The following ITPR2 variants were observed in gnomAD, a reference collection of about 807,000 sequenced individuals.
ITPR2 encodes the protein inositol 1,4,5-trisphosphate receptor type 2.
Under a neutral mutation model 317.1 loss-of-function variants are expected in ITPR2, and 207 were observed. The ratio of observed to expected loss-of-function variants is 0.65; its 90% confidence interval spans 0.58 to 0.73. The LOEUF (loss-of-function observed/expected upper bound fraction) is 0.73. Ranked by LOEUF, ITPR2 falls within the 30% of genes least tolerant of loss-of-function variation. The pLI, the probability that ITPR2 is intolerant of heterozygous loss-of-function variation, is 0.00. For synonymous variants in ITPR2, 1,156 were observed against 1,149.1 expected (o/e 1.01, Z -0.12); for missense variants, 2,613 against 3,284.0 (o/e 0.80, Z 4.99).
At chr12:26,770,067 T>C (rs899995622) in intron 2 of ITPR2, among the ~76,000 whole-genome samples, 2 of 152,234 alleles carry the variant, frequency 1.3e-5, no homozygotes, top group African/African-American at 4.8e-5. Context: ...AGCAACATCC[T>C]ATAAAAATGA....
intron 1 of ITPR2, among the ~76,000 whole-genome samples, chr12:26,807,491 T>C (rs1950658874): frequency 6.6e-6 from 1 of 152,128 alleles, no homozygotes; most frequent in Admixed American, 6.5e-5. Context: ...AGGTGAGAAG[T>C]CAAAGCTGGA....
At chr12:26,448,962 T>C (rs1052848456) in intron 45 of ITPR2, among the ~76,000 whole-genome samples, 3 of 152,134 alleles carry the variant, frequency 2.0e-5, no homozygotes, top group African/African-American at 7.2e-5. Context: ...GATGACAGAG[T>C]TGGGCTTTTC....
At chr12:26,676,556 G>C (rs988184371) in intron 13 of ITPR2, among the ~76,000 whole-genome samples, 4 of 151,370 alleles carry the variant, frequency 2.6e-5, no homozygotes, top group African/African-American at 9.7e-5. Context: ...TAACCCATAG[G>C]CCTCTCCACT....
intron 37 of ITPR2, among the ~76,000 whole-genome samples, chr12:26,521,435 T>A (rs1943662787): frequency 6.6e-6 from 1 of 152,326 alleles, no homozygotes; most frequent in African/African-American, 2.4e-5. Context: ...AGAAAATACA[T>A]GTTCTGCAAA....
At position 26,411,153 on chromosome 12, in the gene ITPR2, T is replaced by A. The variant is rs1402072036; in HGVS notation, c.7399+167A>T. The stretch of plus-strand genomic sequence containing the variant: ...GGAGAGGGGTACAAAATGACCAATG[T>A]GGGAATCCTTTCTCCTGTTCAAATC... On this transcript the variant is annotated intron_variant, in intron 52 of 56. Coordinates refer to ENST00000381340, the MANE Select transcript of ITPR2 (RefSeq NM_002223.4). The A allele has an allele frequency of 1.2e-5, 7 of 568,962 alleles. No individual in the cohort carries two copies. In the East Asian group the frequency reaches 2.1e-4, roughly 17 times the overall value. The allele number at this position is 568,962 out of a possible 1,614,324, so 35.2% of individuals were successfully genotyped here.
intron 45 of ITPR2, among the ~76,000 whole-genome samples, chr12:26,459,787 T>A (rs1200798945): frequency 6.6e-6 from 1 of 152,184 alleles, no homozygotes; most frequent in Non-Finnish European, 1.5e-5. Context: ...TATACCAATG[T>A]CTCCGTACAT....
chr12:26,587,123 C>T (rs1306464030), intron 32 of ITPR2, among the ~76,000 whole-genome samples: 2 of 150,586 alleles, frequency 1.3e-5, no homozygotes, highest in East Asian at 3.9e-4. Context: ...TTTTCAAATC[C>T]ACTTTTAAAA....
intron 55 of ITPR2, among the ~76,000 whole-genome samples, chr12:26,368,479 A>G (rs1420843338): frequency 6.6e-6 from 1 of 151,660 alleles, no homozygotes; most frequent in Admixed American, 6.6e-5. Flanking sequence ...AAAGGTAGAT[A>G]ATATTACTAC....
chr12:26,813,273 C>T (rs1296140133), intron 1 of ITPR2, among the ~76,000 whole-genome samples: 1 of 151,824 alleles, frequency 6.6e-6, no homozygotes, highest in Non-Finnish European at 1.5e-5. Flanking sequence ...AATTTTAAAC[C>T]CTGCTTATAT....
At chr12:26,680,732 T>C (rs1948012446) in intron 13 of ITPR2, among the ~76,000 whole-genome samples, 1 of 152,234 alleles carries the variant, frequency 6.6e-6, no homozygotes, top group Non-Finnish European at 1.5e-5. Flanking sequence ...TTCTGTTGTA[T>C]GAAAATAACA....
At chr12:26,448,957 C>G (rs368610043) in intron 45 of ITPR2, among the ~76,000 whole-genome samples, 10 of 152,074 alleles carry the variant, frequency 6.6e-5, no homozygotes, top group African/African-American at 2.2e-4. Context: ...ATAAAGATGA[C>G]AGAGTTGGGC....
chr12:26,442,715 C>T lies in ITPR2; in HGVS notation c.6450+828G>A, dbSNP rs745386844. ...TGTTTACAAATGTGAGCAAGGTATC[C>T]GTTTCTGTGACACAAAGGTTTGACA... On this transcript the variant is annotated intron_variant, in intron 46 of 56. Transcript: ENST00000381340. Among the ~76,000 whole-genome samples, 5 of 152,212 alleles carry T rather than the reference C, an allele frequency of 3.3e-5. 1 individual carries two copies. The South Asian group carries it at 1.0e-3, about 32-fold the overall frequency.
rs182399538 is a variant in ITPR2 at position 26,337,750 on chromosome 12, T to C, written c.*1647A>G. On this transcript the variant is annotated 3_prime_UTR_variant, in exon 57 of 57. Transcript: ENST00000381340. ...CAGAAAAAATACTGTCATGTCAGAGTGAGGAATTCTTAGTATGAGGTGGTG... is the reference window on the plus strand; with the variant it reads ...CAGAAAAAATACTGTCATGTCAGAGCGAGGAATTCTTAGTATGAGGTGGTG... 1 of 152,216 alleles carries C rather than the reference T, an allele frequency of 6.6e-6. No homozygotes were observed. The highest frequency in any genetic ancestry group is 6.5e-5 in the Admixed American group (1 of 15,278). The allele number at this position is 152,216 out of a possible 1,614,324, so 9.4% of individuals were successfully genotyped here.
chr12:26,472,880 T>TTTTG (rs373786021), intron 45 of ITPR2, among the ~76,000 whole-genome samples: 7 of 152,264 alleles, frequency 4.6e-5, no homozygotes, highest in African/African-American at 1.7e-4. Flanking sequence ...TTTTTTTGTT[T>TTTTG]TTTGTTTGTT....
At chr12:26,650,890 G>C (rs1947236158) in intron 21 of ITPR2, among the ~76,000 whole-genome samples, 1 of 152,020 alleles carries the variant, frequency 6.6e-6, no homozygotes, top group South Asian at 2.1e-4. Context: ...CTTGGTCTTT[G>C]CTTTTTCTCA....
chr12:26,514,774 G>A lies in ITPR2; in HGVS notation c.5074-19514C>T, dbSNP rs190699854. 4.1e-5 allele frequency among the ~76,000 whole-genome samples: 6 copies of A among 147,830 alleles called. No homozygotes were observed. The South Asian group carries it at 6.3e-4, about 15-fold the overall frequency. ...TTCACACCATTTTCAATTTGGTTACGCACAATAATAAAAAATAAATAAGAT... is the reference window on the plus strand; with the variant it reads ...TTCACACCATTTTCAATTTGGTTACACACAATAATAAAAAATAAATAAGAT... On this transcript the variant is annotated intron_variant, in intron 37 of 56. Transcript: ENST00000381340.
At chr12:26,634,888 A>C (rs1324163983) in intron 21 of ITPR2, among the ~76,000 whole-genome samples, 2 of 134,240 alleles carry the variant, frequency 1.5e-5, no homozygotes, top group Non-Finnish European at 3.3e-5. Flanking sequence ...TCATCTCAAA[A>C]AAAAAAAAAA....
chr12:26,437,259 T>C (rs12424022), intron 47 of ITPR2, among the ~76,000 whole-genome samples: 32,042 of 152,074 alleles, frequency 0.21, 3,853 homozygotes, highest in East Asian at 0.41. Flanking sequence ...TTGAAGTTAA[T>C]CAAGGGGGAA....
chr12:26,606,830 A>G (rs911360846), intron 26 of ITPR2, among the ~76,000 whole-genome samples: 6 of 152,150 alleles, frequency 3.9e-5, no homozygotes, highest in Non-Finnish European at 8.8e-5. Context: ...CTGGCTACTC[A>G]GGAAGCTGAG....
Sources: gnomAD v4.1 joint callset for allele counts (sites outside exome capture counted in the v4.1 genomes callset) on GRCh38, gnomAD v4.1.1 for gene constraint, MANE v1.5 for transcripts, NCBI Gene and HGNC (gene_info 2026-07-23, HGNC 2026-07-21) for gene names.